Variants in PKHD1 observed in about 807,000 individuals in gnomAD.
PKHD1 encodes the protein PKHD1 ciliary IPT domain containing fibrocystin/polyductin.
In PKHD1, 291 loss-of-function variants were observed where a neutral mutation model predicts 412.0. The observed-to-expected ratio is 0.71, with a 90% confidence interval of 0.64 to 0.78. The LOEUF (loss-of-function observed/expected upper bound fraction) is 0.78. Ranked by LOEUF, PKHD1 falls within the 30% of genes least tolerant of loss-of-function variation. The pLI is 0.00. For synonymous variants in PKHD1, 1,777 were observed against 1,821.5 expected (o/e 0.98, Z 0.62); for missense variants, 4,825 against 4,950.7 (o/e 0.97, Z 0.76).
chr6:51,789,615 A>G (rs2151249061), intron 53 of PKHD1, among the ~76,000 whole-genome samples: 1 of 152,318 alleles, frequency 6.6e-6, no homozygotes, highest in South Asian at 2.1e-4. Flanking sequence ...ACACCAAAAT[A>G]TTAATTGTGG....
At chr6:51,874,739 T>A (rs930555168) in intron 46 of PKHD1, among the ~76,000 whole-genome samples, 1 of 149,374 alleles carries the variant, frequency 6.7e-6, no homozygotes, top group East Asian at 2.1e-4. Context: ...CCATCCTGGC[T>A]AACATGTTGA....
intron 49 of PKHD1, among the ~76,000 whole-genome samples, chr6:51,854,702 C>T (rs1464325869): frequency 6.6e-6 from 1 of 152,240 alleles, no homozygotes; most frequent in African/African-American, 2.4e-5. Context: ...CAAAGAGGCA[C>T]TCTGGCTGCA....
intron 35 of PKHD1, among the ~76,000 whole-genome samples, chr6:51,986,291 T>C (rs902861924): frequency 2.6e-5 from 4 of 152,216 alleles, no homozygotes; most frequent in African/African-American, 9.7e-5. Context: ...TTTATCACAA[T>C]ATCCACACAC....
intron 35 of PKHD1, among the ~76,000 whole-genome samples, chr6:51,984,558 A>G (rs935721962): frequency 6.6e-6 from 1 of 152,238 alleles, no homozygotes. Context: ...TCCTAAGAAC[A>G]ATGGTCTGTG....
At chr6:51,958,417 G>A (rs1791485454) in intron 36 of PKHD1, among the ~76,000 whole-genome samples, 1 of 152,114 alleles carries the variant, frequency 6.6e-6, no homozygotes, top group East Asian at 1.9e-4. Context: ...AAATCCTTAA[G>A]AGTGAGAAGT....
At chr6:51,744,312 G>T in intron 60 of PKHD1, 73 bp downstream of exon 60, 1 of 1,307,840 alleles carries the variant, frequency 7.6e-7, no homozygotes, top group Non-Finnish European at 1.1e-6. Flanking sequence ...CATTCTCAGT[G>T]AGCACAGCAA....
intron 57 of PKHD1, 69 bp downstream of exon 57, chr6:51,753,132 G>A (rs1218493661): frequency 5.3e-6 from 7 of 1,325,332 alleles, no homozygotes; most frequent in Middle Eastern, 3.7e-4. Flanking sequence ...TCTCACAGTT[G>A]GGATTTCTGG....
At chr6:51,675,119 G>A (rs57651083) in intron 60 of PKHD1, among the ~76,000 whole-genome samples, 5,754 of 152,080 alleles carry the variant, frequency 0.038, 368 homozygotes, top group African/African-American at 0.13. Flanking sequence ...TAAAGCACAC[G>A]TAAGCAGGGT....
intron 54 of PKHD1, among the ~76,000 whole-genome samples, chr6:51,774,854 G>A (rs1790738223): frequency 6.6e-6 from 1 of 151,666 alleles, no homozygotes; most frequent in Non-Finnish European, 1.5e-5. Context: ...ATCTAAGGGA[G>A]AATCCAAGAA....
At chr6:52,061,325 G>A (rs985140714) in intron 14 of PKHD1, among the ~76,000 whole-genome samples, 5 of 152,004 alleles carry the variant, frequency 3.3e-5, no homozygotes, top group Admixed American at 3.3e-4. Flanking sequence ...AGTAGCTACA[G>A]GTGCACACCA....
At chr6:52,056,566 T>C (rs1392963305) in intron 18 of PKHD1, 132 bp downstream of exon 18, 1 of 774,380 alleles carries the variant, frequency 1.3e-6, no homozygotes, top group Non-Finnish European at 2.3e-6. Flanking sequence ...CCACTCAGTG[T>C]CCAAATCCAG....
At chr6:51,648,159 A>G (rs1243297440) in intron 62 of PKHD1, 41 bp from the exon 63 acceptor site, 1 of 1,102,244 alleles carries the variant, frequency 9.1e-7, no homozygotes, top group Admixed American at 1.7e-5. Context: ...AAAAAGTTGG[A>G]TTCAGAAGAG....
At chr6:51,981,128 C>A (rs1344273242) in intron 35 of PKHD1, among the ~76,000 whole-genome samples, 1 of 151,772 alleles carries the variant, frequency 6.6e-6, no homozygotes, top group Non-Finnish European at 1.5e-5. Context: ...TCACTATAAA[C>A]CCTCACAAGA....
chr6:51,890,504 C>T (rs1016242960), intron 43 of PKHD1, among the ~76,000 whole-genome samples: 2 of 151,762 alleles, frequency 1.3e-5, no homozygotes, highest in Non-Finnish European at 2.9e-5. Flanking sequence ...AATTAACTGT[C>T]CAAGTAAGCC....
chr6:51,896,283 A>G (rs1779976162), intron 43 of PKHD1, among the ~76,000 whole-genome samples: 1 of 151,858 alleles, frequency 6.6e-6, no homozygotes, highest in South Asian at 2.1e-4. Context: ...CTTTGAAGAG[A>G]GCAGTGGTTC....
chr6:52,023,912 T>C (rs2435318), intron 32 of PKHD1, among the ~76,000 whole-genome samples: 69,705 of 152,014 alleles, frequency 0.46, 17,615 homozygotes, highest in Admixed American at 0.58. Context: ...TTCTAAGAAA[T>C]GTCTTAGTTA....
chr6:51,690,131 G>T (rs1446703985), intron 60 of PKHD1, among the ~76,000 whole-genome samples: 1 of 151,844 alleles, frequency 6.6e-6, no homozygotes, highest in East Asian at 1.9e-4. Context: ...AATTAGCCAG[G>T]CATGGTGGCA....
intron 39 of PKHD1, among the ~76,000 whole-genome samples, chr6:51,910,403 T>C (rs985643612): frequency 6.6e-5 from 10 of 152,252 alleles, no homozygotes; most frequent in African/African-American, 2.4e-4. Flanking sequence ...TGAAGAGATA[T>C]TTATATTTGT....
intron 31 of PKHD1, 101 bp from the exon 32 acceptor site, chr6:52,026,282 G>T (rs1226150459): frequency 9.0e-7 from 1 of 1,113,702 alleles, no homozygotes; most frequent in Admixed American, 1.9e-5. Context: ...GGAAGGTAGG[G>T]CATGTGTTAG....
Sources: allele counts gnomAD v4.1 joint callset (sites outside exome capture counted in the v4.1 genomes callset), GRCh38; gene constraint gnomAD v4.1.1; transcripts MANE v1.5; gene names NCBI Gene and HGNC (gene_info 2026-07-23, HGNC 2026-07-21).